RYR2: variants seen among roughly 807,000 people sequenced by gnomAD.
RYR2 encodes ryanodine receptor 2.
A neutral mutation model predicts 601.1 loss-of-function variants in RYR2; 227 were observed. That is an observed-to-expected ratio of 0.38 (90% CI 0.34 to 0.42). The LOEUF is 0.42. Ranked by LOEUF, RYR2 falls within the 10% of genes least tolerant of loss-of-function variation. RYR2 has a pLI of 1.00. For missense variants in RYR2, 4,646 were observed against 6,156.5 expected (o/e 0.75, Z 8.21); for synonymous variants, 2,223 against 2,175.1 (o/e 1.02, Z -0.61).
At chr1:237,061,391 T>C (rs1662876730) in intron 1 of RYR2, among the ~76,000 whole-genome samples, 1 of 152,084 alleles carries the variant, frequency 6.6e-6, no homozygotes, top group Non-Finnish European at 1.5e-5. Flanking sequence ...AGTCATAGCT[T>C]GCTGCAGCCT....
intron 1 of RYR2, among the ~76,000 whole-genome samples, chr1:237,174,870 C>T (rs918082507): frequency 1.3e-5 from 2 of 152,148 alleles, no homozygotes; most frequent in African/African-American, 2.4e-5. Flanking sequence ...ATTAAATATA[C>T]TCCACATTAA....
At chr1:237,061,268 C>CTATCCATCTAT (rs1553275474) in intron 1 of RYR2, among the ~76,000 whole-genome samples, 10 of 88,838 alleles carry the variant, frequency 1.1e-4, no homozygotes, top group African/African-American at 2.8e-4. Flanking sequence ...ATCTATCTAT[C>CTATCCATCTAT]CATCTATCAT....
intron 6 of RYR2, among the ~76,000 whole-genome samples, chr1:237,370,879 C>A (rs2149762597): frequency 6.6e-6 from 1 of 152,234 alleles, no homozygotes; most frequent in Admixed American, 6.5e-5. Flanking sequence ...CCAGGATGGT[C>A]TCGATCTCCT....
intron 1 of RYR2, among the ~76,000 whole-genome samples, chr1:237,043,639 C>T (rs1006019407): frequency 4.6e-5 from 7 of 152,158 alleles, no homozygotes; most frequent in Non-Finnish European, 8.8e-5. Context: ...GTTCCTTCTC[C>T]ACTTCTGTCC....
At chr1:237,437,950 T>G (rs1335390025) in intron 12 of RYR2, among the ~76,000 whole-genome samples, 1 of 152,152 alleles carries the variant, frequency 6.6e-6, no homozygotes, top group African/African-American at 2.4e-5. Flanking sequence ...GGAATTAAAT[T>G]TTATATAGTC....
intron 100 of RYR2, among the ~76,000 whole-genome samples, chr1:237,812,360 C>T (rs550464059): frequency 2.6e-5 from 4 of 152,306 alleles, no homozygotes; most frequent in Non-Finnish European, 4.4e-5. Context: ...TGGTAAGCAC[C>T]TTTCTAGAAA....
intron 1 of RYR2, among the ~76,000 whole-genome samples, chr1:237,124,849 C>G (rs968624352): frequency 6.6e-6 from 1 of 152,158 alleles, no homozygotes. Flanking sequence ...CCCTGGCAAG[C>G]CAATTCTACT....
rs774786081 is a variant in RYR2 at position 237,756,338 on chromosome 1, C to T, written c.11196C>T (p.His3732=). The change falls in exon 81 of 105, where the codon CAC becomes CAT. Residue 3732 remains histidine, a synonymous_variant. Transcript: ENST00000366574. ...QKLLYQQARL[H]DRGAAEMVLQ... is the part of the protein sequence containing the mutation. ...TTCTATACCAGCAAGCCCGACTCCA[C>T]GATCGTGGCGCGGCTGAGATGGTGC... 17 of 1,613,476 alleles carry T rather than the reference C, an allele frequency of 1.1e-5. No individual in the cohort carries two copies. Among genetic ancestry groups the T allele is most frequent in the African/African-American group, 2.7e-5 (2 of 75,022 alleles).
intron 79 of RYR2, among the ~76,000 whole-genome samples, chr1:237,739,611 G>T (rs903162720): frequency 1.3e-5 from 2 of 152,116 alleles, no homozygotes; most frequent in East Asian, 3.9e-4. Context: ...AAATATTTAA[G>T]ATACACATCG....
At chr1:237,641,481 C>CTTTCTTTCTTTCTTTCTTTCTTTCTT (rs1558122473) in intron 47 of RYR2, among the ~76,000 whole-genome samples, 11 of 41,556 alleles carry the variant, frequency 2.6e-4, no homozygotes, top group South Asian at 2.5e-3. Flanking sequence ...GTCTTTCTTT[C>CTTTCTTTCTTTCTTTCTTTCTTTCTT]TTTCTTTCTT....
intron 38 of RYR2, among the ~76,000 whole-genome samples, chr1:237,622,825 G>T (rs908174187): frequency 6.6e-5 from 10 of 152,122 alleles, no homozygotes; most frequent in African/African-American, 2.2e-4. Flanking sequence ...AGACTTGATT[G>T]TCTGTGGCTT....
At chr1:237,221,499 G>A (rs867892508) in intron 1 of RYR2, among the ~76,000 whole-genome samples, 12 of 152,292 alleles carry the variant, frequency 7.9e-5, no homozygotes, top group Non-Finnish European at 1.2e-4. Flanking sequence ...GAAGATTATT[G>A]GGAAAGATTT....
In RYR2 at chr1:237,707,938, A is replaced by ATTT. The variant is rs57642607; in HGVS notation, c.9901+690_9901+692dup. 6.9e-3 allele frequency among the ~76,000 whole-genome samples: 827 copies of ATTT among 120,110 alleles called. 16 individuals carry two copies. The highest frequency in any genetic ancestry group is 0.051 in the Admixed American group (585 of 11,456). The allele number at this position is 120,110 out of a possible 152,430, so 78.8% of individuals were successfully genotyped here. A position where few individuals can be genotyped will look rare whatever the true frequency, so the allele number is the denominator to read the frequency against. ...AGGCATCTGCCACCATGCCCAGCTAATTTTTTTTTTTTTTTTTTTTTTTAG... is the reference window on the plus strand; with the variant it reads ...AGGCATCTGCCACCATGCCCAGCTAATTTTTTTTTTTTTTTTTTTTTTTTTTAG... On this transcript the variant is annotated intron_variant, in intron 68 of 104. Coordinates refer to ENST00000366574, the MANE Select transcript of RYR2 (RefSeq NM_001035.3).
intron 2 of RYR2, among the ~76,000 whole-genome samples, chr1:237,325,829 A>T (rs1032062032): frequency 1.3e-5 from 2 of 152,178 alleles, no homozygotes; most frequent in Non-Finnish European, 2.9e-5. Context: ...CGTCCCTACA[A>T]GGAGATGTTT....
At chr1:237,508,135 G>A (rs1665460541) in intron 23 of RYR2, among the ~76,000 whole-genome samples, 1 of 151,932 alleles carries the variant, frequency 6.6e-6, no homozygotes, top group Non-Finnish European at 1.5e-5. Context: ...GGCTAATTTT[G>A]TATTTTTAGT....
intron 1 of RYR2, among the ~76,000 whole-genome samples, chr1:237,112,606 C>G (rs928309611): frequency 4.0e-5 from 6 of 151,042 alleles, no homozygotes; most frequent in Non-Finnish European, 8.8e-5. Flanking sequence ...TAATGGCTCT[C>G]CCCTTCCAGG....
chr1:237,604,999 A>G (rs1676947364), intron 35 of RYR2, among the ~76,000 whole-genome samples: 1 of 152,190 alleles, frequency 6.6e-6, no homozygotes, highest in Non-Finnish European at 1.5e-5. Context: ...AGGTACAAGG[A>G]GGAGCTGGTA....
chr1:237,358,842 G>A (rs1294865249), intron 4 of RYR2, among the ~76,000 whole-genome samples: 1 of 152,076 alleles, frequency 6.6e-6, no homozygotes, highest in Non-Finnish European at 1.5e-5. Flanking sequence ...GGCTTGAAGT[G>A]AGGGCAAGCT....
intron 15 of RYR2, 94 bp from the exon 16 acceptor site, chr1:237,456,506 T>A: frequency 7.5e-7 from 1 of 1,331,706 alleles, no homozygotes; most frequent in Non-Finnish European, 9.8e-7. Flanking sequence ...TCAGTCAGAC[T>A]TCTATTTTTA....
Sources: allele counts gnomAD v4.1 joint callset (sites outside exome capture counted in the v4.1 genomes callset), GRCh38; gene constraint gnomAD v4.1.1; transcripts MANE v1.5; gene names NCBI Gene and HGNC (gene_info 2026-07-23, HGNC 2026-07-21).